PITPNC1: variants seen among roughly 807,000 people sequenced by gnomAD.
PITPNC1 encodes the protein phosphatidylinositol transfer protein cytoplasmic 1.
A neutral mutation model predicts 44.7 loss-of-function variants in PITPNC1; 18 were observed. The observed-to-expected ratio is 0.40, with a 90% CI of 0.28 to 0.60. The LOEUF is 0.60. Ranked by LOEUF, PITPNC1 falls within the 20% of genes least tolerant of loss-of-function variation. The pLI, the probability that PITPNC1 is intolerant of heterozygous loss-of-function variation, is 0.39. For synonymous variants in PITPNC1, 141 were observed against 149.6 expected, an observed-to-expected ratio of 0.94 and a Z score of 0.42; for missense variants, 290 against 418.4, an observed-to-expected ratio of 0.69 and a Z score of 2.68.
intron 1 of PITPNC1, among the ~76,000 whole-genome samples, chr17:67,437,789 C>G (rs530774740): frequency 3.3e-5 from 5 of 152,204 alleles, no homozygotes; most frequent in Admixed American, 1.3e-4. Context: ...GGCCCAAGGC[C>G]GAGTGCGGAG....
At chr17:67,485,357 C>T in intron 1 of PITPNC1, among the ~76,000 whole-genome samples, 1 of 147,308 alleles carries the variant, frequency 6.8e-6, no homozygotes, top group Non-Finnish European at 1.5e-5. Context: ...TGAGAGTCAT[C>T]ATTAGTTGGG....
intron 5 of PITPNC1, among the ~76,000 whole-genome samples, chr17:67,591,759 G>A (rs1277232730): frequency 6.6e-6 from 1 of 152,024 alleles, no homozygotes; most frequent in African/African-American, 2.4e-5. Flanking sequence ...ACCCAGGCTG[G>A]AGTGCAGTGG....
At chr17:67,386,527 C>T (rs2038056564) in intron 1 of PITPNC1, among the ~76,000 whole-genome samples, 1 of 152,174 alleles carries the variant, frequency 6.6e-6, no homozygotes, top group African/African-American at 2.4e-5. Context: ...CATTCAACCT[C>T]TTTAAGAGCT....
intron 5 of PITPNC1, among the ~76,000 whole-genome samples, chr17:67,594,254 G>A (rs2041431192): frequency 6.6e-6 from 1 of 152,160 alleles, no homozygotes; most frequent in South Asian, 2.1e-4. Context: ...TTGAGAGGAT[G>A]CAGTGAGATG....
chr17:67,666,136 C>T (rs1449732699), intron 6 of PITPNC1, among the ~76,000 whole-genome samples: 1 of 137,694 alleles, frequency 7.3e-6, no homozygotes, highest in African/African-American at 2.5e-5. Flanking sequence ...AGCCACCGTG[C>T]CTGGCCAAGT....
At chr17:67,427,826 CT>C in intron 1 of PITPNC1, among the ~76,000 whole-genome samples, 1 of 152,256 alleles carries the variant, frequency 6.6e-6, no homozygotes, top group East Asian at 1.9e-4. Context: ...GATTGCATTC[CT>C]TCGTGAGCAA....
chr17:67,642,685 G>A (rs1330808076), intron 6 of PITPNC1, among the ~76,000 whole-genome samples: 1 of 152,134 alleles, frequency 6.6e-6, no homozygotes, highest in Admixed American at 6.6e-5. Flanking sequence ...GCCAAGTCTC[G>A]CTGAAGCACC....
chr17:67,675,637 A>C (rs2042587920), intron 8 of PITPNC1, 95 bp downstream of exon 8: 1 of 818,632 alleles, frequency 1.2e-6, no homozygotes, highest in Non-Finnish European at 2.2e-6. Context: ...GAAGGACAAC[A>C]ACAAAGGCAA....
At chr17:67,629,600 A>ATG (rs142175306) in intron 5 of PITPNC1, among the ~76,000 whole-genome samples, 5,373 of 152,302 alleles carry the variant, frequency 0.035, 261 homozygotes, top group African/African-American at 0.11. Context: ...TTAATGAGGC[A>ATG]TGTGTCTCTC....
chr17:67,382,566 T>C (rs1306412221), intron 1 of PITPNC1, among the ~76,000 whole-genome samples: 1 of 152,154 alleles, frequency 6.6e-6, no homozygotes, highest in African/African-American at 2.4e-5. Flanking sequence ...GAGAAAGTTG[T>C]CATTATCTTC....
intron 7 of PITPNC1, among the ~76,000 whole-genome samples, chr17:67,674,593 GA>G (rs2042570202): frequency 6.7e-6 from 1 of 148,474 alleles, no homozygotes; most frequent in African/African-American, 2.5e-5. Context: ...CATCAGAAAA[GA>G]GGGAATGTTA....
rs748898605 is a variant in PITPNC1 at position 67,425,197 on chromosome 17, G to GCGCGCGCGCGCGCA, written c.48+46996_48+46997insGCGCGCGCGCGCAC. ...AAACAGCCATGTTGTGCGCGCGCAC[G>GCGCGCGCGCGCGCA]CACACGCACACACACACACACACAC... On this transcript the variant is annotated intron_variant, in intron 1 of 8. Coordinates refer to ENST00000581322, the MANE Select transcript of PITPNC1 (RefSeq NM_012417.4). Among the ~76,000 whole-genome samples the GCGCGCGCGCGCGCA allele has an allele frequency of 4.3e-4, 42 of 98,458 alleles. 2 individuals carry two copies. The highest frequency in any genetic ancestry group is 1.5e-3 in the East Asian group (3 of 2,004). The allele number at this position is 98,458 out of a possible 152,430, so 64.6% of individuals were successfully genotyped here. A position where few individuals can be genotyped will look rare whatever the true frequency, so the allele number is the denominator to read the frequency against.
At chr17:67,390,681 A>G (rs2038125191) in intron 1 of PITPNC1, among the ~76,000 whole-genome samples, 1 of 152,150 alleles carries the variant, frequency 6.6e-6, no homozygotes, top group Admixed American at 6.6e-5. Flanking sequence ...TAGGATGGCA[A>G]AATCACACCA....
chr17:67,473,838 G>C (rs1325736128), intron 1 of PITPNC1, among the ~76,000 whole-genome samples: 2 of 152,132 alleles, frequency 1.3e-5, no homozygotes, highest in Non-Finnish European at 2.9e-5. Flanking sequence ...AGTGGACCCT[G>C]CCTGCAGCTA....
intron 4 of PITPNC1, among the ~76,000 whole-genome samples, chr17:67,569,088 T>A (rs541246822): frequency 6.9e-6 from 1 of 144,070 alleles, no homozygotes; most frequent in East Asian, 2.1e-4. Context: ...TCTCTCTCCC[T>A]ATGCAGGTGC....
chr17:67,624,230 T>TTTTTC (rs1567745244), intron 5 of PITPNC1, among the ~76,000 whole-genome samples: 2 of 147,120 alleles, frequency 1.4e-5, no homozygotes, highest in Non-Finnish European at 1.5e-5. Context: ...TTTTTTTTTT[T>TTTTTC]CCTCAGGGTT....
At chr17:67,511,965 T>G (rs2040189623) in intron 1 of PITPNC1, among the ~76,000 whole-genome samples, 1 of 152,242 alleles carries the variant, frequency 6.6e-6, no homozygotes, top group Non-Finnish European at 1.5e-5. Context: ...CCATTTGTAT[T>G]TCTTCTCTAA....
At chr17:67,488,818 C>T (rs1228070757) in intron 1 of PITPNC1, among the ~76,000 whole-genome samples, 1 of 152,202 alleles carries the variant, frequency 6.6e-6, no homozygotes, top group Non-Finnish European at 1.5e-5. Flanking sequence ...TCTAGGTACT[C>T]ACATAAGTAG....
intron 5 of PITPNC1, among the ~76,000 whole-genome samples, chr17:67,595,452 G>GTTT (rs112587198): frequency 7.1e-6 from 1 of 141,218 alleles, no homozygotes. Context: ...TAGTATTTTA[G>GTTT]TTTTTTTTTT....
Sources: gnomAD v4.1 joint callset for allele counts (sites outside exome capture counted in the v4.1 genomes callset) on GRCh38, gnomAD v4.1.1 for gene constraint, MANE v1.5 for transcripts, NCBI Gene and HGNC (gene_info 2026-07-23, HGNC 2026-07-21) for gene names.